Variants in CUL4A observed in about 807,000 individuals in gnomAD.
CUL4A encodes the protein cullin 4A.
Under a neutral mutation model 95.5 loss-of-function variants are expected in CUL4A, and 16 were observed. The ratio of observed to expected loss-of-function variants is 0.17; its 90% CI spans 0.11 to 0.25. The LOEUF (loss-of-function observed/expected upper bound fraction) is 0.25. Among genes scored for constraint, CUL4A ranks in the 10% least tolerant of loss-of-function variants. CUL4A has a pLI of 1.00. For missense variants in CUL4A, 610 were observed against 937.0 expected, an observed-to-expected ratio of 0.65 and a Z score of 4.56; for synonymous variants, 380 against 353.1, an observed-to-expected ratio of 1.08 and a Z score of -0.85.
chr13:113,244,044 C>G (rs2041793562), intron 11 of CUL4A, among the ~76,000 whole-genome samples: 1 of 152,198 alleles, frequency 6.6e-6, no homozygotes, highest in Non-Finnish European at 1.5e-5. Flanking sequence ...TTGAGAATGT[C>G]TCCTCTGCAT....
chr13:113,260,381 C>T (rs1223528084), intron 18 of CUL4A, among the ~76,000 whole-genome samples: 6 of 151,028 alleles, frequency 4.0e-5, no homozygotes, highest in African/African-American at 1.5e-4. Context: ...TGAAACCCTG[C>T]CTGTACAAAA....
At chr13:113,208,544 A>C, upstream of CUL4A, 1 of 1,590,772 alleles carries the variant, frequency 6.3e-7, no homozygotes, top group Non-Finnish European at 8.6e-7. Flanking sequence ...GAGGGGACAC[A>C]CGGAACACGC....
chr13:113,244,942 T>TA lies in CUL4A; in HGVS notation c.1334-4dup. 6.4e-7 allele frequency: 1 copy of TA among 1,558,928 alleles called. No individual in the cohort carries two copies. Among genetic ancestry groups the TA allele is most frequent in the Non-Finnish European group, 8.9e-7 (1 of 1,129,756 alleles). On this transcript the variant is annotated splice_region_variant and splice_polypyrimidine_tract_variant and intron_variant, in intron 12 of 19. Transcript: ENST00000375440. ...TGTCTTGATTATTCTCGTCTGGTTATAAATAGGTAAAGATGTCTTTGAAGC... is the reference window on the plus strand; with the variant it reads ...TGTCTTGATTATTCTCGTCTGGTTATAAAATAGGTAAAGATGTCTTTGAAGC...
At chr13:113,256,515 G>A (rs554596360) in intron 18 of CUL4A, among the ~76,000 whole-genome samples, 2 of 152,180 alleles carry the variant, frequency 1.3e-5, no homozygotes, top group African/African-American at 4.8e-5. Context: ...CCAGAGCACA[G>A]TGTCTGCCCC....
At chr13:113,261,417 C>G (rs146886034) in intron 19 of CUL4A, among the ~76,000 whole-genome samples, 1 of 152,160 alleles carries the variant, frequency 6.6e-6, no homozygotes, top group Non-Finnish European at 1.5e-5. Flanking sequence ...GCCTCCCATT[C>G]CATCAAGGGA....
chr13:113,244,159 A>T (rs547950217), intron 11 of CUL4A: 2 of 357,024 alleles, frequency 5.6e-6, no homozygotes, highest in Non-Finnish European at 1.0e-5. Flanking sequence ...AAATTCAGAG[A>T]TTGCATTTAA....
intron 5 of CUL4A, 76 bp downstream of exon 5, chr13:113,229,595 C>A: frequency 1.7e-6 from 2 of 1,209,956 alleles, no homozygotes; most frequent in Non-Finnish European, 2.4e-6. Flanking sequence ...CTTCCGCAGG[C>A]TAAGATGGTA....
intron 8 of CUL4A, among the ~76,000 whole-genome samples, chr13:113,236,369 C>T (rs902914076): frequency 2.6e-5 from 4 of 152,108 alleles, no homozygotes; most frequent in Non-Finnish European, 4.4e-5. Context: ...GTGGAGAGAG[C>T]GGCAGCCACA....
chr13:113,261,915 G>C (rs909971675), intron 19 of CUL4A, among the ~76,000 whole-genome samples: 2 of 152,168 alleles, frequency 1.3e-5, no homozygotes, highest in African/African-American at 4.8e-5. Context: ...TGAGTAGCTG[G>C]GCTTACAGGC....
intron 3 of CUL4A, among the ~76,000 whole-genome samples, chr13:113,222,230 A>G (rs568998664): frequency 6.6e-6 from 1 of 152,232 alleles, no homozygotes; most frequent in South Asian, 2.1e-4. Flanking sequence ...GAAGGTGGAG[A>G]TTGAGCCAAG....
At chr13:113,218,301 TAAACA>T (rs1434487216) in intron 2 of CUL4A, among the ~76,000 whole-genome samples, 4 of 152,230 alleles carry the variant, frequency 2.6e-5, no homozygotes, top group Admixed American at 2.0e-4. Flanking sequence ...GTTTATTAAT[TAAACA>T]AACTGAAGTG....
intron 10 of CUL4A, among the ~76,000 whole-genome samples, chr13:113,240,013 T>C (rs1040036390): frequency 2.0e-5 from 3 of 152,228 alleles, no homozygotes; most frequent in African/African-American, 7.2e-5. Flanking sequence ...AAACTTTCAC[T>C]TTCATGTTTC....
chr13:113,222,467 T>A (rs1375867964), intron 3 of CUL4A, among the ~76,000 whole-genome samples: 1 of 151,470 alleles, frequency 6.6e-6, no homozygotes, highest in Non-Finnish European at 1.5e-5. Flanking sequence ...TCTGTCGTGG[T>A]CACGTTGATT....
intron 2 of CUL4A, among the ~76,000 whole-genome samples, chr13:113,214,583 A>G (rs966204791): frequency 1.3e-5 from 2 of 151,588 alleles, no homozygotes; most frequent in Non-Finnish European, 2.9e-5. Flanking sequence ...GAACTCCTGG[A>G]CTCAAACAGT....
chr13:113,253,577 T>A (rs1361826335), intron 16 of CUL4A, among the ~76,000 whole-genome samples: 2 of 151,862 alleles, frequency 1.3e-5, no homozygotes, highest in Non-Finnish European at 1.5e-5. Flanking sequence ...AAAAAAAAAT[T>A]AAAAAAAACA....
At position 113,229,499 on chromosome 13, in the gene CUL4A, C is replaced by T. The variant is rs779042437; in HGVS notation, c.492C>T (p.Asn164=). 5.0e-6 allele frequency: 8 copies of T among 1,613,446 alleles called. No homozygotes were observed. The highest frequency in any genetic ancestry group is 6.8e-6 in the Non-Finnish European group (8 of 1,179,996). ...TGGACCGCACCTATGTGCTGCAGAA[C>T]TCCACGCTGCCCTCCATCTGGTGAG... ...LFLDRTYVLQ[N]STLPSIWDMG... Residue 164 remains asparagine (N), a synonymous_variant, in exon 5 of 20, where the codon AAC becomes AAT. Coordinates refer to ENST00000375440, the MANE Select transcript of CUL4A (RefSeq NM_001008895.4).
At chr13:113,211,806 T>G (rs2040456909) in intron 2 of CUL4A, among the ~76,000 whole-genome samples, 1 of 152,232 alleles carries the variant, frequency 6.6e-6, no homozygotes, top group Non-Finnish European at 1.5e-5. Context: ...GTTCTCAGGG[T>G]CATATGGAAA....
Position 113,265,891 on chromosome 13 carries a change from T to G in CUL4A, c.*2309T>G, listed in dbSNP as rs539498625. The G allele has an allele frequency of 6.6e-6, 1 of 152,348 alleles. No homozygotes were observed. Among genetic ancestry groups the G allele is most frequent in the African/African-American group, 2.4e-5 (1 of 41,586 alleles). The allele number at this position is 152,348 out of a possible 1,614,324, so 9.4% of individuals were successfully genotyped here. ...ATTACTTGCAGGTTAGATGGTTGCATACCCAGGTCATCTAAGGAGCAAATG... is the reference window on the plus strand; with the variant it reads ...ATTACTTGCAGGTTAGATGGTTGCAGACCCAGGTCATCTAAGGAGCAAATG... On this transcript the variant is annotated 3_prime_UTR_variant, in exon 20 of 20. Transcript: ENST00000375440.
At chr13:113,262,293 G>A (rs1227838150) in intron 19 of CUL4A, among the ~76,000 whole-genome samples, 7 of 152,204 alleles carry the variant, frequency 4.6e-5, no homozygotes, top group Non-Finnish European at 8.8e-5. Flanking sequence ...CTTAGTGCAG[G>A]AACACTGGGG....
Sources: gnomAD v4.1 joint callset for allele counts (sites outside exome capture counted in the v4.1 genomes callset) on GRCh38, gnomAD v4.1.1 for gene constraint, MANE v1.5 for transcripts, NCBI Gene and HGNC (gene_info 2026-07-23, HGNC 2026-07-21) for gene names.